Variants in UNC13C observed in about 807,000 individuals in gnomAD.
UNC13C encodes the protein unc-13 homolog C.
Under a neutral mutation model 245.4 loss-of-function variants are expected in UNC13C, and 174 were observed. The observed-to-expected ratio is 0.71, with a 90% CI of 0.63 to 0.80. The LOEUF (loss-of-function observed/expected upper bound fraction) is 0.80, where lower values mean the gene tolerates loss of function less well. Ranked by LOEUF, UNC13C falls within the 30% of genes least tolerant of loss-of-function variation. The pLI is 0.00. For missense variants in UNC13C, 2,829 were observed against 2,602.9 expected, an observed-to-expected ratio of 1.09 and a Z score of -1.89; for synonymous variants, 992 against 895.1, an observed-to-expected ratio of 1.11 and a Z score of -1.93.
At chr15:54,175,674 A>G (rs1457024739) in intron 4 of UNC13C, among the ~76,000 whole-genome samples, 3 of 151,926 alleles carry the variant, frequency 2.0e-5, no homozygotes, top group South Asian at 2.1e-4. Context: ...CACCACGCCC[A>G]GCTAATTTTT....
the UNC13C span, among the ~76,000 whole-genome samples, chr15:53,854,174 G>GAATCTTGCTCCTGCCACC: frequency 7.2e-6 from 1 of 139,826 alleles, no homozygotes; most frequent in Non-Finnish European, 1.5e-5. Context: ...AGGCTGGAGT[G>GAATCTTGCTCCTGCCACC]CAGTGGCGCA....
chr15:54,355,660 C>G (rs1022843701), intron 17 of UNC13C, among the ~76,000 whole-genome samples: 1 of 152,054 alleles, frequency 6.6e-6, no homozygotes, highest in Non-Finnish European at 1.5e-5. Flanking sequence ...ACCCAGCCCT[C>G]ACTTTGCTTT....
At position 54,269,364 on chromosome 15, in the gene UNC13C, C is replaced by T. The variant is rs149281934; in HGVS notation, c.3818+3868C>T. On this transcript the variant is annotated intron_variant, in intron 10 of 32. Coordinates refer to ENST00000260323, the MANE Select transcript of UNC13C (RefSeq NM_001080534.3). ...ATCCCTCTTGACTAGAATAGAAAGT[C>T]TGGAAACCTGAATTTGATTGATAAG... is the stretch of plus-strand genomic sequence containing the variant. Among the ~76,000 whole-genome samples the T allele has an allele frequency of 3.6e-3, 550 of 152,052 alleles. 5 individuals are homozygous for T. Among genetic ancestry groups the T allele is most frequent in the African/African-American group, 0.013 (521 of 41,492 alleles).
intron 2 of UNC13C, among the ~76,000 whole-genome samples, chr15:54,119,981 G>T (rs2030555621): frequency 6.6e-6 from 1 of 152,036 alleles, no homozygotes; most frequent in African/African-American, 2.4e-5. Context: ...TGGAGTTAAA[G>T]GAAAAAGCTC....
chr15:53,951,973 G>A, the UNC13C span, among the ~76,000 whole-genome samples: 3 of 152,120 alleles, frequency 2.0e-5, no homozygotes, highest in Admixed American at 6.5e-5. Context: ...AATGGAAAAC[G>A]TTGACTGCAA....
intron 19 of UNC13C, among the ~76,000 whole-genome samples, chr15:54,473,692 C>T (rs1892579773): frequency 6.6e-6 from 1 of 151,862 alleles, no homozygotes; most frequent in Admixed American, 6.6e-5. Context: ...CAATAGTATT[C>T]CATTGTGTAT....
intron 2 of UNC13C, among the ~76,000 whole-genome samples, chr15:54,117,115 TTTTG>T (rs1349423997): frequency 1.3e-5 from 2 of 152,080 alleles, no homozygotes; most frequent in South Asian, 4.1e-4. Context: ...TCCGATTAGT[TTTTG>T]TTGTTGTTGT....
downstream of UNC13C, chr15:54,628,812 G>GTT (rs1214062239): frequency 6.6e-6 from 1 of 152,076 alleles, no homozygotes; most frequent in African/African-American, 2.4e-5. Flanking sequence ...AAAAATGTTT[G>GTT]TTTGTTTATA....
At chr15:54,204,306 G>GAA (rs71132787) in intron 4 of UNC13C, among the ~76,000 whole-genome samples, 48,816 of 124,624 alleles carry the variant, frequency 0.39, 9,592 homozygotes, top group Middle Eastern at 0.51. Flanking sequence ...ATTAAAAATT[G>GAA]AAAAAAAAAA....
intron 24 of UNC13C, among the ~76,000 whole-genome samples, chr15:54,512,073 G>A (rs933212559): frequency 7.9e-5 from 12 of 152,078 alleles, no homozygotes; most frequent in Non-Finnish European, 1.5e-4. Context: ...CTGTGTGTGC[G>A]CATGTATGTT....
chr15:54,593,677 ATT>A lies in UNC13C; in HGVS notation c.6106+25732_6106+25733del, dbSNP rs1447075146. On this transcript the variant is annotated intron_variant, in intron 30 of 32. Coordinates refer to ENST00000260323, the MANE Select transcript of UNC13C (RefSeq NM_001080534.3). ...TAAAAGTGTGTCTAAAGTTTCCTGA[ATT>A]TCTTATTGTTTTTTCTTTGAGATGT... Among the ~76,000 whole-genome samples the A allele has an allele frequency of 2.0e-5, 3 of 152,122 alleles. No individual in the cohort carries two copies. In the East Asian group the frequency reaches 5.8e-4, roughly 29 times the overall value.
intron 25 of UNC13C, 117 bp downstream of exon 25, chr15:54,525,754 T>C: frequency 1.2e-6 from 1 of 808,366 alleles, no homozygotes. Context: ...CAAGACCCAA[T>C]CTAAATGTCA....
chr15:54,023,265 T>C (rs1895975078), intron 2 of UNC13C, among the ~76,000 whole-genome samples: 2 of 152,166 alleles, frequency 1.3e-5, no homozygotes, highest in Non-Finnish European at 2.9e-5. Context: ...TATTGTGCCT[T>C]GCCCAGAATC....
Position 54,289,598 on chromosome 15 carries a change from G to A in UNC13C, c.3819-4297G>A, listed in dbSNP as rs2037239482. On this transcript the variant is annotated intron_variant, in intron 10 of 32. Coordinates refer to ENST00000260323, the MANE Select transcript of UNC13C (RefSeq NM_001080534.3). ...AACACAGTCCACTTTGGTTAGTTTA[G>A]GCTGAGAGATTATTTGTAGACTACT... is the stretch of plus-strand genomic sequence containing the variant. 3.3e-5 allele frequency among the ~76,000 whole-genome samples: 5 copies of A among 152,016 alleles called. 1 individual carries two copies. The highest frequency in any genetic ancestry group is 2.6e-4 in the Admixed American group (4 of 15,240).
chr15:54,203,322 C>T (rs926277572), intron 4 of UNC13C, among the ~76,000 whole-genome samples: 2 of 151,644 alleles, frequency 1.3e-5, no homozygotes, highest in African/African-American at 4.8e-5. Context: ...AATCCCACTA[C>T]TAAGTGTCTA....
intron 19 of UNC13C, among the ~76,000 whole-genome samples, chr15:54,485,096 T>C (rs985846059): frequency 1.3e-5 from 2 of 152,064 alleles, no homozygotes; most frequent in Non-Finnish European, 2.9e-5. Flanking sequence ...ATGAGTAAGA[T>C]GCAGCAGTGA....
intron 17 of UNC13C, among the ~76,000 whole-genome samples, chr15:54,343,021 A>G (rs1366698924): frequency 1.3e-5 from 2 of 151,956 alleles, no homozygotes; most frequent in Non-Finnish European, 2.9e-5. Context: ...TCTACTTTCC[A>G]TCTTCCTCCC....
chr15:53,959,761 T>C, the UNC13C span, among the ~76,000 whole-genome samples: 1 of 152,198 alleles, frequency 6.6e-6, no homozygotes, highest in East Asian at 1.9e-4. Context: ...CTCAATATAA[T>C]ATAGATGATC....
intron 2 of UNC13C, among the ~76,000 whole-genome samples, chr15:54,047,013 T>C (rs1897066705): frequency 6.6e-6 from 1 of 152,124 alleles, no homozygotes; most frequent in Non-Finnish European, 1.5e-5. Flanking sequence ...ATAAACGCAC[T>C]CTATAATGTA....
Sources: allele counts gnomAD v4.1 joint callset (sites outside exome capture counted in the v4.1 genomes callset), GRCh38; gene constraint gnomAD v4.1.1; transcripts MANE v1.5; gene names NCBI Gene and HGNC (gene_info 2026-07-23, HGNC 2026-07-21).